The following ERC1 variants were observed in gnomAD, a reference collection of about 807,000 sequenced individuals.
ERC1 encodes ELKS/RAB6-interacting/CAST family member 1.
ERC1 carries 56 observed loss-of-function variants against 132.0 expected under a neutral mutation model. The observed-to-expected ratio is 0.42, with a 90% confidence interval of 0.34 to 0.53. The LOEUF (loss-of-function observed/expected upper bound fraction) is 0.53. Among genes scored for constraint, ERC1 ranks in the 20% least tolerant of loss-of-function variants. ERC1 has a pLI of 0.03. For synonymous variants in ERC1, 478 were observed against 476.1 expected, an observed-to-expected ratio of 1.00 and a Z score of -0.05; for missense variants, 1,202 against 1,349.9, an observed-to-expected ratio of 0.89 and a Z score of 1.72.
At chr12:1,155,280 C>T (rs531000970) in intron 8 of ERC1, among the ~76,000 whole-genome samples, 48 of 131,198 alleles carry the variant, frequency 3.7e-4, no homozygotes, top group African/African-American at 1.2e-3. Flanking sequence ...GAGCCTGGAT[C>T]GTGCCACTGC....
chr12:1,104,127 A>G (rs752501377), intron 3 of ERC1, among the ~76,000 whole-genome samples: 3 of 111,678 alleles, frequency 2.7e-5, no homozygotes, highest in Non-Finnish European at 5.7e-5. Flanking sequence ...AAATTTGGGT[A>G]AAAAAAAAAA....
At chr12:1,433,522 G>A (rs1157446266) in intron 17 of ERC1, among the ~76,000 whole-genome samples, 3 of 152,168 alleles carry the variant, frequency 2.0e-5, no homozygotes, top group African/African-American at 7.2e-5. Context: ...GGTTGTCGGA[G>A]GCACACACAC....
intron 11 of ERC1, among the ~76,000 whole-genome samples, chr12:1,189,538 A>G (rs1033832023): frequency 3.9e-5 from 6 of 152,230 alleles, no homozygotes; most frequent in Admixed American, 1.3e-4. Flanking sequence ...GGAGAGATCA[A>G]TAACAACAGT....
At chr12:1,485,043 T>C (rs1048989567) in intron 18 of ERC1, among the ~76,000 whole-genome samples, 1 of 151,162 alleles carries the variant, frequency 6.6e-6, no homozygotes, top group African/African-American at 2.4e-5. Context: ...CAACCACACC[T>C]GACTAATTTT....
rs114308567 is a variant in ERC1, at chr12:1,075,120, T to G, written c.670-8044T>G. On this transcript the variant is annotated intron_variant, in intron 2 of 18. Transcript: ENST00000360905. ...AATTACCTTGGAGGCTCTTCCCCTG[T>G]CTCATTCTCTGTGGTTCAGACTCAT... is the stretch of plus-strand genomic sequence containing the variant. Among the ~76,000 whole-genome samples the G allele has an allele frequency of 6.0e-3, 909 of 152,230 alleles. 10 individuals are homozygous for G. Among genetic ancestry groups the G allele is most frequent in the African/African-American group, 0.02 (839 of 41,540 alleles).
At chr12:1,176,511 C>T in intron 8 of ERC1, among the ~76,000 whole-genome samples, 1 of 152,126 alleles carries the variant, frequency 6.6e-6, no homozygotes, top group East Asian at 1.9e-4. Context: ...CAGTCACCAG[C>T]TGCATTATCC....
intron 18 of ERC1, among the ~76,000 whole-genome samples, chr12:1,478,553 G>T (rs1229848554): frequency 6.6e-6 from 1 of 152,174 alleles, no homozygotes; most frequent in Admixed American, 6.5e-5. Flanking sequence ...CAGCACTTTG[G>T]GAGGCCGAGG....
intron 8 of ERC1, among the ~76,000 whole-genome samples, chr12:1,168,416 A>C (rs1003037119): frequency 2.0e-5 from 3 of 151,576 alleles, no homozygotes; most frequent in African/African-American, 7.3e-5. Flanking sequence ...GAGCCACTGC[A>C]CTGGCCAAAT....
intron 15 of ERC1, among the ~76,000 whole-genome samples, chr12:1,342,134 C>T (rs1256193549): frequency 6.6e-6 from 1 of 151,710 alleles, no homozygotes; most frequent in Admixed American, 6.6e-5. Context: ...AGAGTTTTTC[C>T]TGAAAAAGTC....
At position 1,146,307 on chromosome 12, in the gene ERC1, GGTTTT is replaced by G. The variant is rs1333873188; in HGVS notation, c.1737+4521_1737+4525del. On this transcript the variant is annotated intron_variant, in intron 8 of 18. Coordinates refer to ENST00000360905, the MANE Select transcript of ERC1 (RefSeq NM_178040.4). Reference sequence around the variant, plus strand: ...CATTTCCTTGTTTAGGTATTTTACTGGTTTTTTTTTTTTTTTTTTTTTTTTTGCAG... The same window carrying G: ...CATTTCCTTGTTTAGGTATTTTACTGTTTTTTTTTTTTTTTTTTTTTGCAG... 1.0e-3 allele frequency among the ~76,000 whole-genome samples: 61 copies of G among 59,364 alleles called. 1 individual carries two copies. Among genetic ancestry groups the G allele is most frequent in the African/African-American group, 6.5e-3 (56 of 8,646 alleles). The allele number at this position is 59,364 out of a possible 152,430, so 38.9% of individuals were successfully genotyped here.
At chr12:1,016,114 A>G (rs1483292950) in intron 1 of ERC1, among the ~76,000 whole-genome samples, 1 of 151,666 alleles carries the variant, frequency 6.6e-6, no homozygotes, top group Admixed American at 6.6e-5. Flanking sequence ...TTATGTCAGA[A>G]TTTCACATAT....
At chr12:1,449,623 A>ATAT (rs1026979723) in intron 18 of ERC1, among the ~76,000 whole-genome samples, 1 of 152,116 alleles carries the variant, frequency 6.6e-6, no homozygotes, top group African/African-American at 2.4e-5. Flanking sequence ...AACCTCTTTA[A>ATAT]TAATTACCCA....
intron 8 of ERC1, among the ~76,000 whole-genome samples, chr12:1,164,244 T>C (rs1410932175): frequency 6.6e-6 from 1 of 150,744 alleles, no homozygotes; most frequent in Admixed American, 6.6e-5. Context: ...TTATTTTATT[T>C]TATTTTATTT....
intron 17 of ERC1, among the ~76,000 whole-genome samples, chr12:1,413,322 G>C (rs950060908): frequency 1.3e-5 from 2 of 152,096 alleles, no homozygotes; most frequent in African/African-American, 2.4e-5. Context: ...GGCCAGACTC[G>C]GTGGCTCAAG....
chr12:1,030,341 C>A (rs1967778474), intron 2 of ERC1, among the ~76,000 whole-genome samples: 1 of 152,172 alleles, frequency 6.6e-6, no homozygotes, highest in Non-Finnish European at 1.5e-5. Flanking sequence ...CAGAAATGAT[C>A]TGTGTCTCTG....
chr12:1,476,747 A>G (rs960639388), intron 18 of ERC1, among the ~76,000 whole-genome samples: 14 of 152,336 alleles, frequency 9.2e-5, no homozygotes, highest in African/African-American at 3.1e-4. Flanking sequence ...ACACAGGTCT[A>G]TACCCTTTGA....
At chr12:1,180,253 ATG>A (rs3216970) in intron 8 of ERC1, among the ~76,000 whole-genome samples, 31,708 of 146,412 alleles carry the variant, frequency 0.22, 3,577 homozygotes, top group Middle Eastern at 0.29. Context: ...TTTGTTAGGG[ATG>A]TGTGTGTGTG....
intron 12 of ERC1, among the ~76,000 whole-genome samples, chr12:1,223,386 G>C (rs1256357895): frequency 6.6e-6 from 1 of 152,206 alleles, no homozygotes; most frequent in Admixed American, 6.5e-5. Context: ...ATTGACTGTT[G>C]TTTCTTAACA....
At chr12:1,079,051 CA>C (rs377349789) in intron 2 of ERC1, among the ~76,000 whole-genome samples, 1 of 141,530 alleles carries the variant, frequency 7.1e-6, no homozygotes, top group African/African-American at 2.8e-5. Flanking sequence ...TGTAATATGA[CA>C]AAAGTCGATA....
Sources: gnomAD v4.1 joint callset for allele counts (sites outside exome capture counted in the v4.1 genomes callset) on GRCh38, gnomAD v4.1.1 for gene constraint, MANE v1.5 for transcripts, NCBI Gene and HGNC (gene_info 2026-07-23, HGNC 2026-07-21) for gene names.